The following SIPA1L3 variants were observed in gnomAD, a reference collection of about 807,000 sequenced individuals.
SIPA1L3 encodes signal induced proliferation associated 1 like 3, also known as signal-induced proliferation-associated 1-like protein 3.
Under a neutral mutation model 150.1 loss-of-function variants are expected in SIPA1L3, and 59 were observed. That is an observed-to-expected ratio of 0.39 (90% CI 0.32 to 0.49). SIPA1L3 has a LOEUF of 0.49. Ranked by LOEUF, SIPA1L3 falls within the 20% of genes least tolerant of loss-of-function variation. SIPA1L3 has a pLI of 0.86. For missense variants in SIPA1L3, 2,211 were observed against 2,489.5 expected (o/e 0.89, Z 2.38); for synonymous variants, 1,070 against 1,077.6 (o/e 0.99, Z 0.14).
intron 1 of SIPA1L3, among the ~76,000 whole-genome samples, chr19:37,927,121 A>G (rs1357653015): frequency 6.7e-6 from 1 of 148,484 alleles, no homozygotes. Flanking sequence ...TGAACAGAGT[A>G]CCCAATAGGT....
chr19:38,044,598 GGT>G (rs1969008861), intron 2 of SIPA1L3, among the ~76,000 whole-genome samples: 1 of 152,164 alleles, frequency 6.6e-6, no homozygotes, highest in Non-Finnish European at 1.5e-5. Context: ...GGCCTGTGAA[GGT>G]GTGACTACAC....
chr19:38,157,254 G>A (rs771754914), intron 13 of SIPA1L3, among the ~76,000 whole-genome samples: 5 of 152,174 alleles, frequency 3.3e-5, no homozygotes, highest in Admixed American at 2.6e-4. Flanking sequence ...CCGATGGAGC[G>A]AGCCATCCTA....
chr19:38,103,245 A>C (rs1339773620), intron 6 of SIPA1L3, among the ~76,000 whole-genome samples: 5 of 152,076 alleles, frequency 3.3e-5, no homozygotes, highest in Non-Finnish European at 1.5e-5. Flanking sequence ...GAGTGTGGGT[A>C]GTGGTCTTTT....
chr19:37,950,138 C>G (rs1353264240), intron 1 of SIPA1L3, among the ~76,000 whole-genome samples: 1 of 150,470 alleles, frequency 6.6e-6, no homozygotes, highest in Non-Finnish European at 1.5e-5. Context: ...AGCTCTGCCA[C>G]TTGCTAGCTG....
intron 1 of SIPA1L3, among the ~76,000 whole-genome samples, chr19:37,967,257 C>CT (rs1176245908): frequency 9.6e-4 from 138 of 143,376 alleles, no homozygotes; most frequent in South Asian, 2.0e-3. Flanking sequence ...CCCCCCCACC[C>CT]TTTTTTTTTT....
intron 1 of SIPA1L3, among the ~76,000 whole-genome samples, chr19:37,940,593 G>T (rs1392471769): frequency 6.6e-6 from 1 of 152,074 alleles, no homozygotes; most frequent in Non-Finnish European, 1.5e-5. Context: ...GCTCACCATT[G>T]GAGTTGGTTC....
chr19:38,088,957 C>G, intron 4 of SIPA1L3, 106 bp downstream of exon 4: 2 of 1,266,346 alleles, frequency 1.6e-6, no homozygotes, highest in Admixed American at 2.0e-5. Context: ...TGGAATCCTC[C>G]CAACAACCCC....
chr19:37,988,542 G>A (rs1181659897), intron 1 of SIPA1L3, among the ~76,000 whole-genome samples: 1 of 152,068 alleles, frequency 6.6e-6, no homozygotes, highest in Non-Finnish European at 1.5e-5. Context: ...CAGACATGGT[G>A]GTGGGCACCT....
intron 4 of SIPA1L3, among the ~76,000 whole-genome samples, chr19:38,098,037 A>C (rs1250202852): frequency 6.6e-6 from 1 of 152,242 alleles, no homozygotes; most frequent in African/African-American, 2.4e-5. Flanking sequence ...GCTTCTCTGT[A>C]AATCAGAGAT....
At chr19:38,056,741 T>C (rs1599964735) in intron 2 of SIPA1L3, among the ~76,000 whole-genome samples, 1 of 152,294 alleles carries the variant, frequency 6.6e-6, no homozygotes, top group African/African-American at 2.4e-5. Flanking sequence ...CCCCTGATTT[T>C]GAAACATTCA....
At chr19:38,203,185 A>T (rs532185996) in intron 20 of SIPA1L3, among the ~76,000 whole-genome samples, 1 of 152,160 alleles carries the variant, frequency 6.6e-6, no homozygotes, top group Admixed American at 6.5e-5. Flanking sequence ...AATTACAAGA[A>T]ATCAGCAGTT....
intron 1 of SIPA1L3, among the ~76,000 whole-genome samples, chr19:38,024,165 C>A (rs1159761610): frequency 2.6e-5 from 4 of 152,162 alleles, no homozygotes; most frequent in Admixed American, 2.6e-4. Context: ...GTGCTCCAGC[C>A]AGCCTTGAGG....
intron 1 of SIPA1L3, among the ~76,000 whole-genome samples, chr19:37,910,875 C>G (rs1022072504): frequency 1.3e-5 from 2 of 152,156 alleles, no homozygotes. Flanking sequence ...AGATTACAGG[C>G]GTGAGCCACC....
chr19:38,078,556 G>A (rs1475059599), intron 2 of SIPA1L3, among the ~76,000 whole-genome samples: 2 of 134,212 alleles, frequency 1.5e-5, no homozygotes, highest in African/African-American at 5.7e-5. Context: ...ACACAGACAC[G>A]CACACAGACA....
intron 8 of SIPA1L3, among the ~76,000 whole-genome samples, chr19:38,110,926 G>A (rs1372171592): frequency 2.0e-5 from 3 of 147,818 alleles, no homozygotes; most frequent in Non-Finnish European, 3.0e-5. Flanking sequence ...CAAGAGGCAC[G>A]AGTGATGGCC....
intron 1 of SIPA1L3, among the ~76,000 whole-genome samples, chr19:38,005,139 T>A (rs1967909750): frequency 6.7e-6 from 1 of 150,298 alleles, no homozygotes; most frequent in South Asian, 2.1e-4. Context: ...AAGTCATTGC[T>A]CCCTCTGTCC....
intron 2 of SIPA1L3, among the ~76,000 whole-genome samples, chr19:38,040,688 G>T (rs535226874): frequency 6.6e-6 from 1 of 152,228 alleles, no homozygotes; most frequent in African/African-American, 2.4e-5. Flanking sequence ...AATTCTAGTT[G>T]AAATGCCCCA....
rs71177491 is a variant in SIPA1L3 at position 37,962,463 on chromosome 19, C to CTTTTTTTTTTTTTTTTTTT, written c.-379+55110_-379+55128dup. ...TTGGCCATGAGCCACTGCAGCCGGCCTTTTTTTTTTTTTTTTTTTTTTTGA... is the reference window on the plus strand; with the variant it reads ...TTGGCCATGAGCCACTGCAGCCGGCCTTTTTTTTTTTTTTTTTTTTTTTTTTTTTTTTTTTTTTTTTTGA... On this transcript the variant is annotated intron_variant, in intron 1 of 21. Transcript: ENST00000222345. Among the ~76,000 whole-genome samples, 14 of 73,096 alleles carry CTTTTTTTTTTTTTTTTTTT rather than the reference C, an allele frequency of 1.9e-4. 2 individuals are homozygous for CTTTTTTTTTTTTTTTTTTT. Among genetic ancestry groups the CTTTTTTTTTTTTTTTTTTT allele is most frequent in the African/African-American group, 9.3e-4 (13 of 14,038 alleles). 48.0% of individuals were successfully genotyped at this position (73,096 alleles called of 152,430 possible).
At position 38,083,136 on chromosome 19, in the gene SIPA1L3, C is replaced by A. The variant is rs966785643; in HGVS notation, c.1534+37C>A. Reference sequence around the variant, plus strand: ...CGTGTGGGTGGGAAGGTTGGGTGGGCCGAGGCTTGCCTCCGAGACCCCCAC... The same window carrying A: ...CGTGTGGGTGGGAAGGTTGGGTGGGACGAGGCTTGCCTCCGAGACCCCCAC... On this transcript the variant is annotated intron_variant, in intron 3 of 21. Coordinates refer to ENST00000222345, the MANE Select transcript of SIPA1L3 (RefSeq NM_015073.3). The A allele has an allele frequency of 2.6e-6, 4 of 1,556,488 alleles. No individual in the cohort carries two copies. In the South Asian group the frequency reaches 3.4e-5, roughly 13 times the overall value.
Sources: allele counts gnomAD v4.1 joint callset (sites outside exome capture counted in the v4.1 genomes callset), GRCh38; gene constraint gnomAD v4.1.1; transcripts MANE v1.5; gene names NCBI Gene and HGNC (gene_info 2026-07-23, HGNC 2026-07-21).